Variants in UNC5C observed in about 807,000 individuals in gnomAD.
The protein encoded by UNC5C is netrin receptor UNC5C.
UNC5C carries 47 observed loss-of-function variants against 99.8 expected under a neutral mutation model. That is an observed-to-expected ratio of 0.47 (90% CI 0.37 to 0.60). The LOEUF is 0.60. UNC5C is among the 20% of genes least tolerant of loss of function. UNC5C has a pLI of 0.00. For missense variants in UNC5C, 1,062 were observed against 1,165.9 expected (o/e 0.91, Z 1.30); for synonymous variants, 487 against 452.2 (o/e 1.08, Z -0.98).
intron 3 of UNC5C, among the ~76,000 whole-genome samples, chr4:95,291,824 A>T (rs1031109871): frequency 6.6e-6 from 1 of 152,136 alleles, no homozygotes; most frequent in Non-Finnish European, 1.5e-5. Context: ...ATCTTATCCA[A>T]TTCAAAATAT....
chr4:95,495,741 C>T (rs1047794777), intron 1 of UNC5C, among the ~76,000 whole-genome samples: 1 of 151,588 alleles, frequency 6.6e-6, no homozygotes, highest in Non-Finnish European at 1.5e-5. Flanking sequence ...CAGAGCTCAT[C>T]TTCTTTTAGA....
intron 12 of UNC5C, among the ~76,000 whole-genome samples, chr4:95,190,713 A>G (rs1240473554): frequency 1.3e-5 from 2 of 152,268 alleles, no homozygotes; most frequent in East Asian, 1.9e-4. Context: ...GCCCATGCAC[A>G]TCTACACACG....
chr4:95,314,723 G>A (rs1742407975), intron 2 of UNC5C, among the ~76,000 whole-genome samples: 1 of 152,082 alleles, frequency 6.6e-6, no homozygotes, highest in African/African-American at 2.4e-5. Context: ...TGCTATTCAA[G>A]GCTCTTCACA....
chr4:95,362,676 G>A (rs2149435485), intron 1 of UNC5C, among the ~76,000 whole-genome samples: 1 of 152,242 alleles, frequency 6.6e-6, no homozygotes, highest in Admixed American at 6.5e-5. Flanking sequence ...CAACTGAGCT[G>A]ACATACCAAT....
At chr4:95,319,579 T>C (rs895952087) in intron 2 of UNC5C, among the ~76,000 whole-genome samples, 3 of 152,166 alleles carry the variant, frequency 2.0e-5, no homozygotes, top group African/African-American at 7.2e-5. Context: ...AGGTACTATT[T>C]AGAGGATCTG....
Position 95,342,246 on chromosome 4 carries a change from G to A in UNC5C, c.125-6615C>T, listed in dbSNP as rs142767507. ...GCAGCATGGCTGACAGCTTATAGGA[G>A]ACATTCCTTCCCTCTGCTTGAGGAG... is the stretch of plus-strand genomic sequence containing the variant. On this transcript the variant is annotated intron_variant, in intron 1 of 15. Coordinates refer to ENST00000453304, the MANE Select transcript of UNC5C (RefSeq NM_003728.4). Among the ~76,000 whole-genome samples the A allele has an allele frequency of 6.8e-3, 1,028 of 152,212 alleles. 5 individuals carry two copies. The highest frequency in any genetic ancestry group is 0.011 in the Non-Finnish European group (732 of 67,984).
At chr4:95,180,858 A>G (rs1183018876) in intron 14 of UNC5C, among the ~76,000 whole-genome samples, 1 of 152,216 alleles carries the variant, frequency 6.6e-6, no homozygotes, top group African/African-American at 2.4e-5. Context: ...AGCCCTGTTC[A>G]GAAGAAAGAA....
At chr4:95,498,002 CAG>C (rs1721675764) in intron 1 of UNC5C, among the ~76,000 whole-genome samples, 1 of 151,940 alleles carries the variant, frequency 6.6e-6, no homozygotes, top group Non-Finnish European at 1.5e-5. Context: ...TTCCAAATCT[CAG>C]AGACTTGGGT....
intron 1 of UNC5C, among the ~76,000 whole-genome samples, chr4:95,363,090 C>T (rs771410267): frequency 1.3e-5 from 2 of 152,144 alleles, no homozygotes; most frequent in Admixed American, 1.3e-4. Flanking sequence ...GCCATGGACA[C>T]ACTTGCACCA....
At chr4:95,450,183 AG>A (rs1388994913) in intron 1 of UNC5C, among the ~76,000 whole-genome samples, 3 of 152,218 alleles carry the variant, frequency 2.0e-5, no homozygotes, top group Admixed American at 2.0e-4. Context: ...ATAGGTAATT[AG>A]CAGGATGTAA....
At chr4:95,257,654 A>G (rs1740056517) in intron 4 of UNC5C, among the ~76,000 whole-genome samples, 1 of 152,228 alleles carries the variant, frequency 6.6e-6, no homozygotes, top group Non-Finnish European at 1.5e-5. Context: ...TGATCTCACA[A>G]GGAATCCAGC....
At chr4:95,404,705 C>T (rs1486688373) in intron 1 of UNC5C, among the ~76,000 whole-genome samples, 6 of 152,250 alleles carry the variant, frequency 3.9e-5, no homozygotes, top group South Asian at 2.1e-4. Flanking sequence ...TGTATATCTG[C>T]GGCCCTAAAT....
intron 4 of UNC5C, among the ~76,000 whole-genome samples, chr4:95,258,746 C>CTTTTTTTCTTTTTTTTTTT (rs1740103368): frequency 1.3e-5 from 1 of 76,054 alleles, no homozygotes; most frequent in African/African-American, 4.3e-5. Context: ...CCATCTTATT[C>CTTTTTTTCTTTTTTTTTTT]TTTTTTTTTT....
At chr4:95,193,856 A>T (rs1481004502) in intron 12 of UNC5C, among the ~76,000 whole-genome samples, 2 of 152,150 alleles carry the variant, frequency 1.3e-5, no homozygotes, top group Non-Finnish European at 2.9e-5. Flanking sequence ...TCTGACTGTC[A>T]GCCCGGCCTC....
intron 12 of UNC5C, among the ~76,000 whole-genome samples, chr4:95,186,206 C>A (rs545527229): frequency 5.3e-5 from 8 of 152,144 alleles, no homozygotes; most frequent in Non-Finnish European, 1.2e-4. Flanking sequence ...ATTTGTGACC[C>A]ATTTTAAAAT....
chr4:95,175,975 C>T (rs572839070), intron 14 of UNC5C, among the ~76,000 whole-genome samples: 13,118 of 151,400 alleles, frequency 0.087, 1,299 homozygotes, highest in African/African-American at 0.25. Flanking sequence ...ACTTCCTTCT[C>T]GCTTCATTTC....
At position 95,537,817 on chromosome 4, in the gene UNC5C, T is replaced by C. The variant is rs996414804; in HGVS notation, c.124+10917A>G. Among the ~76,000 whole-genome samples, 6 of 152,096 alleles carry C rather than the reference T, an allele frequency of 3.9e-5. No individual in the cohort carries two copies. The East Asian group carries it at 1.2e-3, about 29-fold the overall frequency. The stretch of plus-strand genomic sequence containing the variant: ...GCTCTCTTTTCTAATTTCGTTACTC[T>C]CTCTCCCATTTACACACATAACAGT... On this transcript the variant is annotated intron_variant, in intron 1 of 15. Transcript: ENST00000453304.
In UNC5C at chr4:95,206,926, G is replaced by A. The variant is rs554458549; in HGVS notation, c.1734-130C>T. 5.1e-6 allele frequency: 4 copies of A among 777,682 alleles called. No homozygotes were observed. In the South Asian group the frequency reaches 1.0e-4, roughly 20 times the overall value. The allele number at this position is 777,682 out of a possible 1,614,324, so 48.2% of individuals were successfully genotyped here. On this transcript the variant is annotated intron_variant, in intron 10 of 15. Transcript: ENST00000453304. ...TCTTTTTTTTTTTTTTTTTCTGGGG[G>A]GTTGGGGAGAGGAAATAGGTGATAC...
At chr4:95,255,234 C>A (rs571163411) in intron 4 of UNC5C, among the ~76,000 whole-genome samples, 1 of 152,100 alleles carries the variant, frequency 6.6e-6, no homozygotes, top group South Asian at 2.1e-4. Flanking sequence ...CCTGCCTTGG[C>A]CTCTCAAAGT....
Sources: allele counts gnomAD v4.1 joint callset (sites outside exome capture counted in the v4.1 genomes callset), GRCh38; gene constraint gnomAD v4.1.1; transcripts MANE v1.5; gene names NCBI Gene and HGNC (gene_info 2026-07-23, HGNC 2026-07-21).